The following CCDC171 variants were observed in gnomAD, a reference collection of about 807,000 sequenced individuals.
CCDC171 encodes the protein coiled-coil domain-containing protein 171.
In CCDC171, 177 loss-of-function variants were observed where a neutral mutation model predicts 168.2. The ratio of observed to expected loss-of-function variants is 1.05; its 90% CI spans 0.93 to 1.19. The LOEUF is 1.19. CCDC171 is among the 50% of genes most tolerant of loss of function. The pLI is 0.00. For missense variants in CCDC171, 1,991 were observed against 1,539.0 expected (o/e 1.29, Z -4.91); for synonymous variants, 687 against 540.8 (o/e 1.27, Z -3.75).
intron 18 of CCDC171, among the ~76,000 whole-genome samples, chr9:15,750,632 A>G (rs2055660537): frequency 6.6e-6 from 1 of 152,012 alleles, no homozygotes; most frequent in Non-Finnish European, 1.5e-5. Flanking sequence ...ACATGTGCAA[A>G]TTAATAAACA....
chr9:15,997,169 T>A (rs1261591562), intron 3 of CCDC171, among the ~76,000 whole-genome samples: 1 of 152,180 alleles, frequency 6.6e-6, no homozygotes, highest in East Asian at 1.9e-4. Context: ...TTCCTTCCTG[T>A]CCATTCCAAG....
chr9:15,982,885 G>C (rs1363765125), intron 3 of CCDC171, among the ~76,000 whole-genome samples: 2 of 152,158 alleles, frequency 1.3e-5, no homozygotes, highest in Non-Finnish European at 2.9e-5. Flanking sequence ...GACCAAGGGG[G>C]ACATGGGTAG....
At chr9:15,646,028 A>C (rs2047007757) in intron 7 of CCDC171, among the ~76,000 whole-genome samples, 1 of 152,232 alleles carries the variant, frequency 6.6e-6, no homozygotes, top group Non-Finnish European at 1.5e-5. Flanking sequence ...AGGGAAGCCC[A>C]TCAGACTAAC....
At chr9:15,976,126 G>A (rs972658738), downstream of CCDC171, among the ~76,000 whole-genome samples, 4 of 152,164 alleles carry the variant, frequency 2.6e-5, no homozygotes, top group African/African-American at 9.7e-5. Flanking sequence ...GAGCCTCCAG[G>A]ATTGTAAGAG....
chr9:16,080,511 A>T, the CCDC171 span, among the ~76,000 whole-genome samples: 4 of 152,186 alleles, frequency 2.6e-5, no homozygotes, highest in Non-Finnish European at 5.9e-5. Flanking sequence ...GCCATGCCTT[A>T]TTCCTGGCTT....
intron 1 of CCDC171, among the ~76,000 whole-genome samples, chr9:15,560,351 C>G (rs971238059): frequency 1.3e-5 from 2 of 152,170 alleles, no homozygotes; most frequent in African/African-American, 4.8e-5. Flanking sequence ...CTCCCCGTCA[C>G]TTTCAGGTAC....
At chr9:15,664,072 C>A (rs1170894602) in intron 8 of CCDC171, among the ~76,000 whole-genome samples, 2 of 151,960 alleles carry the variant, frequency 1.3e-5, no homozygotes, top group African/African-American at 4.8e-5. Context: ...TACATATGGA[C>A]ATAGAGTGTA....
intron 24 of CCDC171, among the ~76,000 whole-genome samples, chr9:15,904,370 T>C (rs1185367590): frequency 1.3e-5 from 2 of 152,204 alleles, no homozygotes; most frequent in Admixed American, 1.3e-4. Context: ...GGGGCTAATA[T>C]TCAACATTCT....
chr9:15,595,425 T>G (rs1037857282), intron 6 of CCDC171, among the ~76,000 whole-genome samples: 2 of 152,210 alleles, frequency 1.3e-5, no homozygotes, highest in African/African-American at 2.4e-5. Flanking sequence ...TGCGATAGTT[T>G]GCTGAGAATG....
the CCDC171 span, among the ~76,000 whole-genome samples, chr9:16,076,630 G>C: frequency 1.3e-5 from 2 of 152,112 alleles, no homozygotes; most frequent in East Asian, 3.9e-4. Context: ...GCACATCTTC[G>C]TGCTGGGTTT....
In CCDC171 at chr9:15,826,612, TA is replaced by T. The variant is rs575168821; in HGVS notation, c.3268-20089del. 5.9e-5 allele frequency among the ~76,000 whole-genome samples: 9 copies of T among 152,314 alleles called. No homozygotes were observed. In the East Asian group the frequency reaches 1.5e-3, roughly 26 times the overall value. ...GGAAAGCCTGGGTCACATCGTGAAC[TA>T]GGGATAATATGCTCAGCTAACAGCT... On this transcript the variant is annotated intron_variant, in intron 21 of 25. Transcript: ENST00000380701.
rs189415627 is a variant in CCDC171, at chr9:15,761,657, G to A, written c.2672-15943G>A. 2.6e-4 allele frequency among the ~76,000 whole-genome samples: 40 copies of A among 152,204 alleles called. 1 individual carries two copies. In the Middle Eastern group the frequency reaches 0.017, roughly 65 times the overall value. On this transcript the variant is annotated intron_variant, in intron 18 of 25. Transcript: ENST00000380701. ...TTGTTATTTAAAAAAAATTTTTTGT[G>A]TATGGGATTTTGTTATTTATATAAC...
intron 21 of CCDC171, among the ~76,000 whole-genome samples, chr9:15,797,673 A>G (rs1288113384): frequency 2.6e-5 from 4 of 152,048 alleles, no homozygotes; most frequent in African/African-American, 9.7e-5. Flanking sequence ...TTCAAATAAA[A>G]ATTTTACATT....
At chr9:15,821,588 T>G (rs941062482) in intron 21 of CCDC171, among the ~76,000 whole-genome samples, 1 of 116,568 alleles carries the variant, frequency 8.6e-6, no homozygotes, top group Non-Finnish European at 1.9e-5. Flanking sequence ...TCACAATTGC[T>G]TCAAAGAGAA....
chr9:15,739,941 G>A (rs2054746779), intron 16 of CCDC171, among the ~76,000 whole-genome samples: 1 of 152,002 alleles, frequency 6.6e-6, no homozygotes, highest in African/African-American at 2.4e-5. Flanking sequence ...GTTTCACTGT[G>A]TTAGCCAGGA....
rs77338827 is a variant in CCDC171 at position 15,712,945 on chromosome 9, C to T, written c.1319-8824C>T. ...TATCCATAGAATACTTCATTTTGCC[C>T]TCCTGATTATTAAGATCCTTGTCTA... On this transcript the variant is annotated intron_variant, in intron 11 of 25. Transcript: ENST00000380701. Among the ~76,000 whole-genome samples the T allele has an allele frequency of 5.3e-3, 804 of 152,222 alleles. 5 individuals carry two copies. The highest frequency in any genetic ancestry group is 0.019 in the African/African-American group (787 of 41,524).
intron 2 of CCDC171, among the ~76,000 whole-genome samples, chr9:15,569,500 A>G (rs888169688): frequency 2.0e-5 from 3 of 152,126 alleles, no homozygotes; most frequent in Non-Finnish European, 4.4e-5. Context: ...AACTTCTTGG[A>G]CAGTCTTCTA....
At chr9:15,632,762 C>A (rs755687983) in intron 7 of CCDC171, among the ~76,000 whole-genome samples, 1 of 152,244 alleles carries the variant, frequency 6.6e-6, no homozygotes, top group East Asian at 1.9e-4. Context: ...TGCTACCTGA[C>A]TTCAAACTAT....
the CCDC171 span, among the ~76,000 whole-genome samples, chr9:16,100,715 C>T: frequency 1.3e-5 from 2 of 152,244 alleles, no homozygotes; most frequent in South Asian, 2.1e-4. Context: ...GAAGCAGCTG[C>T]GAGGAGAGCC....
Sources: gnomAD v4.1 joint callset for allele counts (sites outside exome capture counted in the v4.1 genomes callset) on GRCh38, gnomAD v4.1.1 for gene constraint, MANE v1.5 for transcripts, NCBI Gene and HGNC (gene_info 2026-07-23, HGNC 2026-07-21) for gene names.